STK39: variants seen among roughly 807,000 people sequenced by gnomAD.
STK39 encodes the protein STE20/SPS1-related proline-alanine-rich protein kinase.
In STK39, 20 loss-of-function variants were observed where a neutral mutation model predicts 77.8. The ratio of observed to expected loss-of-function variants is 0.26; its 90% CI spans 0.18 to 0.37. STK39 has a LOEUF of 0.37. Among genes scored for constraint, STK39 ranks in the 10% least tolerant of loss-of-function variants. STK39 has a pLI of 1.00. For missense variants in STK39, 479 were observed against 656.5 expected, an observed-to-expected ratio of 0.73 and a Z score of 2.95; for synonymous variants, 246 against 234.1, an observed-to-expected ratio of 1.05 and a Z score of -0.47.
chr2:168,068,840 C>A (rs1685865057), intron 12 of STK39, among the ~76,000 whole-genome samples: 2 of 152,184 alleles, frequency 1.3e-5, no homozygotes, highest in African/African-American at 2.4e-5. Flanking sequence ...GAAGTTAAAT[C>A]TCTCTCTCCA....
intron 17 of STK39, among the ~76,000 whole-genome samples, chr2:167,959,377 G>A (rs563756699): frequency 4.6e-5 from 7 of 151,616 alleles, no homozygotes; most frequent in African/African-American, 1.5e-4. Flanking sequence ...CACATGCCTC[G>A]GCCTCCCAAA....
intron 10 of STK39, among the ~76,000 whole-genome samples, chr2:168,077,178 G>T (rs1321176997): frequency 6.6e-6 from 1 of 152,088 alleles, no homozygotes; most frequent in Non-Finnish European, 1.5e-5. Context: ...TACTAAAATT[G>T]TAGAACCCAA....
chr2:168,224,302 C>T (rs1690252688), intron 1 of STK39, among the ~76,000 whole-genome samples: 1 of 151,932 alleles, frequency 6.6e-6, no homozygotes, highest in African/African-American at 2.4e-5. Context: ...GATAATAATG[C>T]TGATAATAAT....
chr2:168,126,046 T>C (rs1449483169), intron 10 of STK39, among the ~76,000 whole-genome samples: 1 of 152,168 alleles, frequency 6.6e-6, no homozygotes, highest in East Asian at 1.9e-4. Context: ...TAATGTTGGT[T>C]AGCAGAAGAG....
rs187457185 is a variant in STK39, at chr2:168,028,241, C to T, written c.1377-11146G>A. 5.3e-5 allele frequency among the ~76,000 whole-genome samples: 8 copies of T among 152,220 alleles called. No individual in the cohort carries two copies. The East Asian group carries it at 7.7e-4, about 15-fold the overall frequency. On this transcript the variant is annotated intron_variant, in intron 14 of 17. Transcript: ENST00000355999. ...ATACAATGAATACACATGTGCCTAC[C>T]ATCCAGAATTTTAAAAATGGTAATA...
rs564442316 is a variant in STK39, at chr2:168,046,553, A to G, written c.1376+16947T>C. On this transcript the variant is annotated intron_variant, in intron 14 of 17. Transcript: ENST00000355999. ...CCATCACCCCACTCCTCCCAAGTGG[A>G]GGTGAGTCACTTGCTCACCTCCCTA... is the stretch of plus-strand genomic sequence containing the variant. Among the ~76,000 whole-genome samples the G allele has an allele frequency of 2.0e-5, 3 of 152,092 alleles. No homozygotes were observed. The South Asian group carries it at 6.5e-4, about 33-fold the overall frequency.
intron 14 of STK39, among the ~76,000 whole-genome samples, chr2:168,036,683 A>C (rs991087168): frequency 6.6e-6 from 1 of 152,214 alleles, no homozygotes; most frequent in Non-Finnish European, 1.5e-5. Flanking sequence ...CTCAGAAGTC[A>C]AGGGCTTCAC....
chr2:168,238,089 T>C (rs1378943127), intron 1 of STK39, among the ~76,000 whole-genome samples: 2 of 152,172 alleles, frequency 1.3e-5, no homozygotes, highest in Non-Finnish European at 2.9e-5. Flanking sequence ...AATAAAGCAG[T>C]TGGAATACCC....
At chr2:168,048,734 G>A (rs1361038302) in intron 14 of STK39, among the ~76,000 whole-genome samples, 1 of 152,006 alleles carries the variant, frequency 6.6e-6, no homozygotes, top group East Asian at 1.9e-4. Flanking sequence ...GACTCTTCAG[G>A]TTCTCTAGCT....
At chr2:167,999,537 T>C (rs992280840) in intron 16 of STK39, among the ~76,000 whole-genome samples, 9 of 152,178 alleles carry the variant, frequency 5.9e-5, no homozygotes, top group South Asian at 4.2e-4. Context: ...TCTCGGCTCA[T>C]TGCAAGCTCT....
chr2:167,999,537 T>G (rs992280840), intron 16 of STK39, among the ~76,000 whole-genome samples: 12 of 152,062 alleles, frequency 7.9e-5, no homozygotes, highest in African/African-American at 2.4e-4. Context: ...TCTCGGCTCA[T>G]TGCAAGCTCT....
At chr2:168,246,150 C>T (rs1157987532) in intron 1 of STK39, among the ~76,000 whole-genome samples, 1 of 152,022 alleles carries the variant, frequency 6.6e-6, no homozygotes, top group African/African-American at 2.4e-5. Context: ...CATCGCTGTA[C>T]TTATATACCA....
At chr2:168,044,003 T>C (rs188879434) in intron 14 of STK39, among the ~76,000 whole-genome samples, 23 of 152,314 alleles carry the variant, frequency 1.5e-4, no homozygotes, top group Non-Finnish European at 2.6e-4. Context: ...ACCTCTCAAA[T>C]AGAACAGCAC....
Position 168,034,157 on chromosome 2 carries a change from T to C in STK39, c.1377-17062A>G, listed in dbSNP as rs184653814. Among the ~76,000 whole-genome samples, 678 of 152,282 alleles carry C rather than the reference T, an allele frequency of 4.5e-3. 7 individuals are homozygous for C. Among genetic ancestry groups the C allele is most frequent in the Non-Finnish European group, 3.5e-3 (238 of 68,022 alleles). ...ACAAGATTTGGGGGAGGCAGGCCCC[T>C]GCATGTCCTCAAGCGGCCCAGCATT... On this transcript the variant is annotated intron_variant, in intron 14 of 17. Coordinates refer to ENST00000355999, the MANE Select transcript of STK39 (RefSeq NM_013233.3).
intron 13 of STK39, among the ~76,000 whole-genome samples, chr2:168,064,912 A>G (rs1373911974): frequency 6.6e-6 from 1 of 152,262 alleles, no homozygotes; most frequent in Non-Finnish European, 1.5e-5. Flanking sequence ...TATTATTTTT[A>G]CAAGGCAAGT....
At chr2:168,075,314 T>C in intron 10 of STK39, 83 bp from the exon 11 acceptor site, 1 of 1,570,638 alleles carries the variant, frequency 6.4e-7, no homozygotes, top group Non-Finnish European at 8.7e-7. Flanking sequence ...TTATACGGCA[T>C]ACACACCAAC....
At chr2:168,246,507 G>A (rs1233535928) in intron 1 of STK39, among the ~76,000 whole-genome samples, 1 of 152,260 alleles carries the variant, frequency 6.6e-6, no homozygotes, top group Non-Finnish European at 1.5e-5. Context: ...CCGGTGCAGG[G>A]CAGGAGGCCA....
chr2:168,023,993 A>G (rs930415502), intron 14 of STK39, among the ~76,000 whole-genome samples: 1 of 152,162 alleles, frequency 6.6e-6, no homozygotes, highest in African/African-American at 2.4e-5. Flanking sequence ...GGGAATTTCA[A>G]AGGGATACCC....
chr2:168,059,190 G>A (rs1014053567), intron 14 of STK39, among the ~76,000 whole-genome samples: 1 of 152,162 alleles, frequency 6.6e-6, no homozygotes, highest in South Asian at 2.1e-4. Flanking sequence ...TCTGTGGTAG[G>A]CAGAATTCTA....
Sources: gnomAD v4.1 joint callset for allele counts (sites outside exome capture counted in the v4.1 genomes callset) on GRCh38, gnomAD v4.1.1 for gene constraint, MANE v1.5 for transcripts, NCBI Gene and HGNC (gene_info 2026-07-23, HGNC 2026-07-21) for gene names.